Variants in ZMYM4 observed in about 807,000 individuals in gnomAD.
The protein encoded by ZMYM4 is zinc finger MYM-type protein 4.
Under a neutral mutation model 183.2 loss-of-function variants are expected in ZMYM4, and 31 were observed. The ratio of observed to expected loss-of-function variants is 0.17; its 90% confidence interval spans 0.13 to 0.23. The LOEUF is 0.23. ZMYM4 is among the 10% of genes least tolerant of loss of function. ZMYM4 has a pLI of 1.00. For missense variants in ZMYM4, 1,273 were observed against 1,840.3 expected (o/e 0.69, Z 5.64); for synonymous variants, 592 against 631.2 (o/e 0.94, Z 0.93).
chr1:35,360,889 A>G (rs1377873688), intron 3 of ZMYM4, among the ~76,000 whole-genome samples: 2 of 151,934 alleles, frequency 1.3e-5, no homozygotes, highest in Non-Finnish European at 2.9e-5. Context: ...GACTTGGAAT[A>G]GAATAAGTAG....
rs895104432 is a variant in ZMYM4 at position 35,420,596 on chromosome 1, T to A, written c.*919T>A. The A allele has an allele frequency of 6.6e-6, 1 of 152,614 alleles. No homozygotes were observed. The highest frequency in any genetic ancestry group is 2.4e-5 in the African/African-American group (1 of 41,436). The allele number at this position is 152,614 out of a possible 1,614,324, so 9.5% of individuals were successfully genotyped here. On this transcript the variant is annotated 3_prime_UTR_variant, in exon 30 of 30. Transcript: ENST00000314607. ...CCCAATGGCAGCTTTTCTCCCGTTGTTTTACCTTCCTATTTCCCAAACAGT... is the reference window on the plus strand; with the variant it reads ...CCCAATGGCAGCTTTTCTCCCGTTGATTTACCTTCCTATTTCCCAAACAGT...
chr1:35,271,542 A>G (rs1395118278), intron 1 of ZMYM4, among the ~76,000 whole-genome samples: 2 of 152,092 alleles, frequency 1.3e-5, no homozygotes, highest in South Asian at 4.1e-4. Flanking sequence ...AGCTGGGATT[A>G]CAGGCAAGCA....
intron 7 of ZMYM4, among the ~76,000 whole-genome samples, chr1:35,374,492 T>C (rs1373413124): frequency 1.3e-5 from 2 of 152,100 alleles, no homozygotes; most frequent in Non-Finnish European, 2.9e-5. Flanking sequence ...TTCAGTGATA[T>C]TTATCCTTTT....
At chr1:35,366,801 G>A (rs1312031798) in intron 5 of ZMYM4, among the ~76,000 whole-genome samples, 1 of 152,132 alleles carries the variant, frequency 6.6e-6, no homozygotes, top group Non-Finnish European at 1.5e-5. Context: ...ATCACTTGAG[G>A]TCAGGAGTTC....
intron 2 of ZMYM4, among the ~76,000 whole-genome samples, chr1:35,357,155 G>A (rs1187473884): frequency 6.6e-6 from 1 of 152,170 alleles, no homozygotes; most frequent in Admixed American, 6.5e-5. Flanking sequence ...CTCCCAAAGT[G>A]CTAAGATTAT....
At chr1:35,286,415 G>A (rs1020868797) in intron 1 of ZMYM4, among the ~76,000 whole-genome samples, 3 of 151,904 alleles carry the variant, frequency 2.0e-5, no homozygotes, top group Admixed American at 2.0e-4. Context: ...CTATACATAC[G>A]CTACTTCAGA....
At chr1:35,272,624 T>G (rs1160634049) in intron 1 of ZMYM4, among the ~76,000 whole-genome samples, 1 of 152,194 alleles carries the variant, frequency 6.6e-6, no homozygotes, top group East Asian at 1.9e-4. Flanking sequence ...TAGCGTCCTT[T>G]ACTCCCCAGA....
intron 28 of ZMYM4, 95 bp downstream of exon 28, chr1:35,415,809 G>A (rs1640091841): frequency 6.9e-6 from 10 of 1,440,008 alleles, no homozygotes; most frequent in South Asian, 2.7e-5. Flanking sequence ...AATGCTAGAC[G>A]TGAAAGAGTG....
chr1:35,346,476 C>G (rs114723452), intron 2 of ZMYM4, among the ~76,000 whole-genome samples: 2,491 of 151,904 alleles, frequency 0.016, 22 homozygotes, highest in Middle Eastern at 0.045. Flanking sequence ...TGTGGTGAAA[C>G]CCTGCCTGTA....
chr1:35,308,054 C>G (rs1354526169), intron 1 of ZMYM4, among the ~76,000 whole-genome samples: 1 of 151,942 alleles, frequency 6.6e-6, no homozygotes, highest in Non-Finnish European at 1.5e-5. Context: ...TGCAGTGGCT[C>G]AATCTTGGCT....
At chr1:35,337,700 T>C (rs1643033236) in intron 2 of ZMYM4, among the ~76,000 whole-genome samples, 1 of 151,940 alleles carries the variant, frequency 6.6e-6, no homozygotes, top group Non-Finnish European at 1.5e-5. Flanking sequence ...ATCCCAGCAC[T>C]TTGGGAGGCT....
Position 35,411,903 on chromosome 1 carries a change from G to A in ZMYM4, c.3949-2069G>A, listed in dbSNP as rs144278184. ...TTTGTTTGTTTGTTTGTTTTTTTGA[G>A]ACGGAGTCTCACTCTGTCGCCCAGG... On this transcript the variant is annotated intron_variant, in intron 26 of 29. Transcript: ENST00000314607. Among the ~76,000 whole-genome samples, 729 of 152,168 alleles carry A rather than the reference G, an allele frequency of 4.8e-3. 5 individuals carry two copies. The highest frequency in any genetic ancestry group is 0.016 in the African/African-American group (654 of 41,522).
At chr1:35,377,569 GAT>G (rs1644362395) in intron 7 of ZMYM4, among the ~76,000 whole-genome samples, 1 of 152,206 alleles carries the variant, frequency 6.6e-6, no homozygotes, top group Non-Finnish European at 1.5e-5. Context: ...TAAAGTGAGT[GAT>G]ATTAATTTTT....
chr1:35,301,829 G>A (rs999983728), intron 1 of ZMYM4, among the ~76,000 whole-genome samples: 1 of 152,148 alleles, frequency 6.6e-6, no homozygotes, highest in East Asian at 1.9e-4. Context: ...AACTTCGGGA[G>A]ATTGCCAGGC....
In ZMYM4 at chr1:35,396,108, T is replaced by A. The variant is rs12737182; in HGVS notation, c.2912-444T>A. Reference sequence around the variant, plus strand: ...TATTTTTTATTCAGTGCTGAAATTGTTGCCAAATTAATCTTTTTTGATGTC... The same window carrying A: ...TATTTTTTATTCAGTGCTGAAATTGATGCCAAATTAATCTTTTTTGATGTC... On this transcript the variant is annotated intron_variant, in intron 18 of 29. Coordinates refer to ENST00000314607, the MANE Select transcript of ZMYM4 (RefSeq NM_005095.3). Among the ~76,000 whole-genome samples the A allele has an allele frequency of 3.2e-3, 481 of 152,326 alleles. 4 individuals carry two copies. The highest frequency in any genetic ancestry group is 0.011 in the African/African-American group (464 of 41,572).
intron 1 of ZMYM4, among the ~76,000 whole-genome samples, chr1:35,288,317 T>G (rs543943651): frequency 7.2e-5 from 11 of 152,370 alleles, no homozygotes; most frequent in African/African-American, 2.6e-4. Flanking sequence ...AATGAAAACA[T>G]GTTTATCTTT....
At chr1:35,282,057 A>G (rs1193783456) in intron 1 of ZMYM4, among the ~76,000 whole-genome samples, 17 of 152,226 alleles carry the variant, frequency 1.1e-4, no homozygotes. Context: ...TTCATCCATC[A>G]ATAGACACCT....
At chr1:35,351,645 C>T in intron 2 of ZMYM4, 2 of 582,484 alleles carry the variant, frequency 3.4e-6, no homozygotes, top group Non-Finnish European at 6.1e-6. Context: ...CAGATAAAGA[C>T]AATAAACTGA....
chr1:35,386,122 A>G lies in ZMYM4; in HGVS notation c.1769A>G (p.Tyr590Cys). The G allele has an allele frequency of 1.2e-6, 2 of 1,614,056 alleles. No homozygotes were observed. The highest frequency in any genetic ancestry group is 1.1e-5 in the South Asian group (1 of 91,056). Reference protein sequence around the residue: ...NSCKTSAIPQYHLAMSDGSIR... With the variant: ...NSCKTSAIPQCHLAMSDGSIR... ...TGTAAAACCTCAGCAATTCCTCAGT[A>G]TCACCTAGCCATGTCAGATGGAAGT... is the stretch of plus-strand genomic sequence containing the variant. Residue 590 changes from tyrosine (Y) to cysteine (C), a missense_variant, in exon 11 of 30, where the codon TAT (tyrosine) becomes TGT (cysteine). Around this residue, in one of 6 missense-constraint regions of ZMYM4, gnomAD observed 319 missense variants for 518.1 expected, o/e 0.62. Transcript: ENST00000314607.
Sources: allele counts gnomAD v4.1 joint callset (sites outside exome capture counted in the v4.1 genomes callset), GRCh38; gene constraint gnomAD v4.1.1; regional missense constraint gnomAD v4.1.1; transcripts MANE v1.5; gene names NCBI Gene and HGNC (gene_info 2026-07-23, HGNC 2026-07-21).